ZNF705B: variants seen among roughly 807,000 people sequenced by gnomAD.
ZNF705B encodes Putative zinc finger protein 705D-like protein LOC100132396.
ZNF705B carries 1 observed loss-of-function variant against 10.5 expected under a neutral mutation model. That is an observed-to-expected ratio of 0.10 (90% confidence interval 0.03 to 0.45). ZNF705B has a LOEUF of 0.45. Ranked by LOEUF, ZNF705B falls within the 20% of genes least tolerant of loss-of-function variation. ZNF705B has a pLI of 0.97. For synonymous variants in ZNF705B, 4 were observed against 25.4 expected, an observed-to-expected ratio of 0.16 and a Z score of 2.53; for missense variants, 14 against 84.0, an observed-to-expected ratio of 0.17 and a Z score of 3.26.
chr8:7,930,942 G>A (rs1182701842), intron 2 of ZNF705B, among the ~76,000 whole-genome samples: 1 of 126,868 alleles, frequency 7.9e-6, no homozygotes, highest in Non-Finnish European at 1.9e-5. Flanking sequence ...CTGCAGCTCT[G>A]CCTCCTGGGC....
chr8:7,936,318 C>G (rs1281703111), intron 2 of ZNF705B, among the ~76,000 whole-genome samples: 1 of 119,894 alleles, frequency 8.3e-6, no homozygotes, highest in African/African-American at 2.5e-5. Flanking sequence ...TTTCAAACCA[C>G]TTTTCGAGAA....
chr8:7,940,954 C>T (rs1255835770), intron 2 of ZNF705B, among the ~76,000 whole-genome samples: 4 of 148,596 alleles, frequency 2.7e-5, no homozygotes, highest in African/African-American at 4.9e-5. Flanking sequence ...GTTTTCTGTT[C>T]GTGGGTTAGT....
At chr8:7,940,919 T>C (rs1390359126) in intron 2 of ZNF705B, among the ~76,000 whole-genome samples, 1 of 148,270 alleles carries the variant, frequency 6.7e-6, no homozygotes, top group Non-Finnish European at 1.5e-5. Context: ...TGCTCCCACT[T>C]GTAAGTTAGA....
chr8:7,940,841 C>G (rs1820133102), intron 2 of ZNF705B, among the ~76,000 whole-genome samples: 1 of 141,234 alleles, frequency 7.1e-6, no homozygotes, highest in Non-Finnish European at 1.6e-5. Context: ...TACTCTCCCT[C>G]CACCTGCCTC....
At chr8:7,940,875 T>C (rs1349687770) in intron 2 of ZNF705B, among the ~76,000 whole-genome samples, 6 of 145,832 alleles carry the variant, frequency 4.1e-5, no homozygotes, top group African/African-American at 7.4e-5. Flanking sequence ...GTGTGTGTTG[T>C]TCCCCTCCTA....
rs1452631246 is a variant in ZNF705B at position 7,940,768 on chromosome 8, T to G, written c.-71-6583T>G. On this transcript the variant is annotated intron_variant, in intron 2 of 6. Transcript: ENST00000400120. ...ATCCATGTTGTCACAAATGACAGGG[T>G]TTCGTTATTATGGAACACTGAACAA... 3.6e-5 allele frequency among the ~76,000 whole-genome samples: 5 copies of G among 139,378 alleles called. 1 individual carries two copies. In the South Asian group the frequency reaches 1.2e-3, roughly 33 times the overall value. The allele number at this position is 139,378 out of a possible 152,430, so 91.4% of individuals were successfully genotyped here.
intron 2 of ZNF705B, among the ~76,000 whole-genome samples, chr8:7,932,156 A>G (rs1293434417): frequency 1.7e-5 from 2 of 121,110 alleles, no homozygotes; most frequent in Non-Finnish European, 2.0e-5. Context: ...AAGGGCTGAG[A>G]GACTGTCCCT....
At chr8:7,936,697 A>T (rs1313997496) in intron 2 of ZNF705B, among the ~76,000 whole-genome samples, 1 of 118,198 alleles carries the variant, frequency 8.5e-6, no homozygotes, top group Non-Finnish European at 2.0e-5. Flanking sequence ...AAAAATGGGA[A>T]CAAGAGAGAT....
chr8:7,933,929 C>CTTTTTTTTTTTTTTTTTTTTTT (rs1162997944), intron 2 of ZNF705B, among the ~76,000 whole-genome samples: 2 of 29,366 alleles, frequency 6.8e-5, no homozygotes, highest in African/African-American at 1.6e-4. Context: ...GTAATATAAA[C>CTTTTTTTTTTTTTTTTTTTTTT]TTTTTTTTTT....
intron 2 of ZNF705B, among the ~76,000 whole-genome samples, chr8:7,931,014 C>T (rs1259502913): frequency 5.8e-5 from 7 of 119,830 alleles, no homozygotes; most frequent in African/African-American, 1.8e-4. Context: ...CGCCTCCATG[C>T]CCAGCTAATT....
chr8:7,931,842 C>T (rs1442716633), intron 2 of ZNF705B, among the ~76,000 whole-genome samples: 6 of 126,774 alleles, frequency 4.7e-5, no homozygotes, highest in Admixed American at 1.7e-4. Context: ...GAGTGTAGGA[C>T]ACTGTGTAGG....
chr8:7,932,537 T>A (rs1819878886), intron 2 of ZNF705B, among the ~76,000 whole-genome samples: 1 of 121,396 alleles, frequency 8.2e-6, no homozygotes, highest in South Asian at 2.8e-4. Flanking sequence ...GCACTTACTC[T>A]AAGAAGTAAA....
intron 2 of ZNF705B, among the ~76,000 whole-genome samples, chr8:7,940,562 T>G (rs1478065022): frequency 7.9e-6 from 1 of 126,432 alleles, no homozygotes. Context: ...GTGGTATATC[T>G]GAAACTTTGT....
chr8:7,937,217 G>T (rs1236710693), intron 2 of ZNF705B, among the ~76,000 whole-genome samples: 2 of 118,804 alleles, frequency 1.7e-5, no homozygotes, highest in African/African-American at 5.1e-5. Context: ...GGTATTCTGA[G>T]CCTCATTCTA....
At chr8:7,931,634 G>A (rs1819852759) in intron 2 of ZNF705B, among the ~76,000 whole-genome samples, 1 of 122,398 alleles carries the variant, frequency 8.2e-6, no homozygotes, top group East Asian at 2.3e-4. Context: ...TCTGGCCCTG[G>A]AATAGTGCCC....
Position 7,935,435 on chromosome 8 carries a change from C to T in ZNF705B, c.-72+4999C>T, listed in dbSNP as rs574116091. Among the ~76,000 whole-genome samples the T allele has an allele frequency of 9.3e-3, 1,313 of 140,428 alleles. 6 individuals carry two copies. Among genetic ancestry groups the T allele is most frequent in the South Asian group, 0.02 (76 of 3,842 alleles). The allele number at this position is 140,428 out of a possible 152,430, so 92.1% of individuals were successfully genotyped here. On this transcript the variant is annotated intron_variant, in intron 2 of 6. Coordinates refer to ENST00000400120, the MANE Select transcript of ZNF705B (RefSeq NM_001193630.1). ...GTTTGAAAAGTGTTTTAATTCTGAG[C>T]AGTCTTTGTATGTAACACAGAGCAC...
At chr8:7,928,039 A>T (rs534648449) in intron 1 of ZNF705B, among the ~76,000 whole-genome samples, 27 of 128,040 alleles carry the variant, frequency 2.1e-4, no homozygotes, top group African/African-American at 6.8e-4. Context: ...GTGGCTTATA[A>T]AGAGCAGAAG....
At chr8:7,929,025 A>T (rs1480849868) in intron 1 of ZNF705B, among the ~76,000 whole-genome samples, 1 of 120,214 alleles carries the variant, frequency 8.3e-6, no homozygotes, top group Non-Finnish European at 2.0e-5. Flanking sequence ...CTAAAATCTC[A>T]GAATTCACCG....
At chr8:7,938,021 C>A (rs77785366) in intron 2 of ZNF705B, among the ~76,000 whole-genome samples, 40,162 of 93,830 alleles carry the variant, frequency 0.43, 5,683 homozygotes, top group Admixed American at 0.51. Context: ...CACCTTGGGC[C>A]AATCCAAGAA....
Sources: gnomAD v4.1 joint callset for allele counts (sites outside exome capture counted in the v4.1 genomes callset) on GRCh38, gnomAD v4.1.1 for gene constraint, MANE v1.5 for transcripts, NCBI Gene and HGNC (gene_info 2026-07-23, HGNC 2026-07-21) for gene names.